CFTR: variants seen among roughly 807,000 people sequenced by gnomAD.
CFTR encodes the protein cystic fibrosis transmembrane conductance regulator.
CFTR carries 181 observed loss-of-function variants against 171.6 expected under a neutral mutation model. The ratio of observed to expected loss-of-function variants is 1.05; its 90% CI spans 0.93 to 1.19. CFTR has a LOEUF of 1.19. CFTR is among the 50% of genes most tolerant of loss of function. CFTR has a pLI of 0.00. For synonymous variants in CFTR, 583 were observed against 608.0 expected, an observed-to-expected ratio of 0.96 and a Z score of 0.60; for missense variants, 1,968 against 1,734.7, an observed-to-expected ratio of 1.13 and a Z score of -2.39.
intron 9 of CFTR, among the ~76,000 whole-genome samples, chr7:117,546,145 C>T (rs1799143754): frequency 6.6e-6 from 1 of 152,014 alleles, no homozygotes; most frequent in Non-Finnish European, 1.5e-5. Flanking sequence ...AGGTGCCTGC[C>T]ACTGTGCCCA....
At chr7:117,665,373 T>A in intron 25 of CFTR, 86 bp from the exon 26 acceptor site, 1 of 805,254 alleles carries the variant, frequency 1.2e-6, no homozygotes, top group Non-Finnish European at 2.1e-6. Flanking sequence ...TTTAAAGAGA[T>A]AATAGAACAA....
chr7:117,517,662 C>T (rs897093118), intron 3 of CFTR, among the ~76,000 whole-genome samples: 1 of 152,170 alleles, frequency 6.6e-6, no homozygotes, highest in African/African-American at 2.4e-5. Context: ...AATTAATTTA[C>T]ACTCCCACCA....
intron 6 of CFTR, among the ~76,000 whole-genome samples, chr7:117,535,625 C>A (rs1481380655): frequency 6.7e-6 from 1 of 149,804 alleles, no homozygotes. Flanking sequence ...ACTTCTGCCT[C>A]CCAGGCTCAA....
intron 2 of CFTR, among the ~76,000 whole-genome samples, chr7:117,505,746 C>T (rs1218089082): frequency 1.3e-5 from 2 of 152,180 alleles, no homozygotes; most frequent in Non-Finnish European, 2.9e-5. Context: ...TAAGACATAG[C>T]TACTAAATTA....
intron 9 of CFTR, among the ~76,000 whole-genome samples, chr7:117,543,867 A>T (rs1799096557): frequency 6.6e-6 from 1 of 152,162 alleles, no homozygotes; most frequent in East Asian, 1.9e-4. Flanking sequence ...CTGTACTTAG[A>T]ACTTATATTT....
At chr7:117,616,590 C>T (rs921413823) in intron 21 of CFTR, among the ~76,000 whole-genome samples, 4 of 152,128 alleles carry the variant, frequency 2.6e-5, no homozygotes, top group African/African-American at 7.2e-5. Flanking sequence ...TTCTACTCTG[C>T]GTGTTCAATC....
chr7:117,536,705 G>A, intron 7 of CFTR, 32 bp downstream of exon 7: 1 of 1,574,676 alleles, frequency 6.4e-7, no homozygotes, highest in Non-Finnish European at 8.7e-7. Context: ...AATATTGTTA[G>A]TAATTCTGTC....
chr7:117,586,247 A>G (rs1218841767), intron 11 of CFTR: 2 of 152,164 alleles, frequency 1.3e-5, no homozygotes, highest in East Asian at 1.9e-4. Context: ...AGAAAGAAAT[A>G]AAGACCTATG....
intron 23 of CFTR, among the ~76,000 whole-genome samples, chr7:117,647,152 G>C (rs1315177563): frequency 6.6e-6 from 1 of 151,814 alleles, no homozygotes; most frequent in East Asian, 1.9e-4. Context: ...TTTGGAGACA[G>C]AGTCTTGCAC....
At chr7:117,592,855 C>T (rs1187761917) in intron 14 of CFTR, among the ~76,000 whole-genome samples, 198 bp downstream of exon 14, 1 of 152,176 alleles carries the variant, frequency 6.6e-6, no homozygotes, top group African/African-American at 2.4e-5. Context: ...TTGCAATGGA[C>T]ATATCTCTTC....
intron 23 of CFTR, among the ~76,000 whole-genome samples, chr7:117,643,761 T>C (rs777546415): frequency 6.6e-6 from 1 of 152,154 alleles, no homozygotes; most frequent in Non-Finnish European, 1.5e-5. Flanking sequence ...AGAGAAGTGT[T>C]GTTATTCAGT....
At chr7:117,630,481 G>A (rs995775495) in intron 22 of CFTR, among the ~76,000 whole-genome samples, 8 of 152,108 alleles carry the variant, frequency 5.3e-5, no homozygotes, top group East Asian at 1.9e-4. Flanking sequence ...CACATGATCC[G>A]GAAAATTTAG....
At chr7:117,532,384 T>C (rs1262172591) in intron 4 of CFTR, among the ~76,000 whole-genome samples, 1 of 152,224 alleles carries the variant, frequency 6.6e-6, no homozygotes, top group African/African-American at 2.4e-5. Context: ...TTTGATCTTC[T>C]GCACAACTAT....
chr7:117,655,085 C>T (rs915740829), intron 24 of CFTR, among the ~76,000 whole-genome samples: 1 of 152,174 alleles, frequency 6.6e-6, no homozygotes, highest in Non-Finnish European at 1.5e-5. Context: ...ATTTACTTAT[C>T]AAATTTGGCC....
intron 1 of CFTR, among the ~76,000 whole-genome samples, chr7:117,493,398 G>A (rs1469696946): frequency 6.6e-6 from 1 of 152,038 alleles, no homozygotes; most frequent in Admixed American, 6.6e-5. Context: ...GGGATTTAAA[G>A]CAAGGCTTTT....
intron 1 of CFTR, among the ~76,000 whole-genome samples, chr7:117,497,329 G>A (rs1019394306): frequency 6.6e-6 from 1 of 152,164 alleles, no homozygotes; most frequent in African/African-American, 2.4e-5. Context: ...TATCATTATT[G>A]TTATAATCCC....
chr7:117,563,560 A>G (rs1791550991), intron 11 of CFTR, among the ~76,000 whole-genome samples: 1 of 152,152 alleles, frequency 6.6e-6, no homozygotes, highest in Non-Finnish European at 1.5e-5. Context: ...GACTCCATGC[A>G]TAAGAGAAAC....
At chr7:117,590,094 G>A (rs1792002591) in intron 12 of CFTR, among the ~76,000 whole-genome samples, 1 of 152,030 alleles carries the variant, frequency 6.6e-6, no homozygotes, top group Non-Finnish European at 1.5e-5. Flanking sequence ...AATCACTTCA[G>A]CAGTTCTTGG....
intron 24 of CFTR, among the ~76,000 whole-genome samples, chr7:117,664,298 G>A (rs214157): frequency 0.026 from 3,903 of 152,170 alleles, 161 homozygotes; most frequent in African/African-American, 0.088. Flanking sequence ...GGGCATATCT[G>A]CAATGTATAC....
Sources: gnomAD v4.1 joint callset for allele counts (sites outside exome capture counted in the v4.1 genomes callset) on GRCh38, gnomAD v4.1.1 for gene constraint, MANE v1.5 for transcripts, NCBI Gene and HGNC (gene_info 2026-07-23, HGNC 2026-07-21) for gene names.